The following HSD17B12 variants were observed in gnomAD, a reference collection of about 807,000 sequenced individuals.
HSD17B12 encodes hydroxysteroid 17-beta dehydrogenase 12, also known as very-long-chain 3-oxoacyl-CoA reductase.
A neutral mutation model predicts 39.3 loss-of-function variants in HSD17B12; 32 were observed. The observed-to-expected ratio is 0.81, with a 90% CI of 0.61 to 1.09. The LOEUF (loss-of-function observed/expected upper bound fraction) is 1.09, where lower values mean the gene tolerates loss of function less well. Among genes scored for constraint, HSD17B12 ranks in the 50% least tolerant of loss-of-function variants. HSD17B12 has a pLI of 0.00. For missense variants in HSD17B12, 342 were observed against 382.9 expected, an observed-to-expected ratio of 0.89 and a Z score of 0.89; for synonymous variants, 150 against 146.7, an observed-to-expected ratio of 1.02 and a Z score of -0.16.
At chr11:43,582,168 G>C in the HSD17B12 span, among the ~76,000 whole-genome samples, 6 of 152,298 alleles carry the variant, frequency 3.9e-5, no homozygotes, top group Admixed American at 1.3e-4. Context: ...TCAAAACTAA[G>C]TAGCACGGAA....
the HSD17B12 span, among the ~76,000 whole-genome samples, chr11:43,574,676 A>G: frequency 6.6e-6 from 1 of 152,092 alleles, no homozygotes; most frequent in African/African-American, 2.4e-5. Context: ...ACCCTTCCTC[A>G]CCCTTAGGAA....
chr11:43,690,186 C>T (rs1416864791), intron 1 of HSD17B12, among the ~76,000 whole-genome samples: 1 of 151,226 alleles, frequency 6.6e-6, no homozygotes, highest in Non-Finnish European at 1.5e-5. Flanking sequence ...CACTTGTCAC[C>T]ATCTCCCCTA....
chr11:43,774,584 C>T (rs936079859), intron 3 of HSD17B12, among the ~76,000 whole-genome samples: 11 of 152,138 alleles, frequency 7.2e-5, no homozygotes, highest in African/African-American at 2.4e-4. Context: ...CCATGGACCA[C>T]TCTTTTCATT....
intron 9 of HSD17B12, among the ~76,000 whole-genome samples, chr11:43,842,997 C>G (rs1951441538): frequency 6.6e-6 from 1 of 152,190 alleles, no homozygotes; most frequent in Admixed American, 6.5e-5. Context: ...CTAGAAGCTA[C>G]TGTAAAAACA....
At chr11:43,788,768 A>G (rs954252761) in intron 3 of HSD17B12, among the ~76,000 whole-genome samples, 1 of 151,854 alleles carries the variant, frequency 6.6e-6, no homozygotes, top group Non-Finnish European at 1.5e-5. Context: ...TGTAACACAC[A>G]GGAGGAAATA....
intron 1 of HSD17B12, among the ~76,000 whole-genome samples, chr11:43,706,724 T>TGTTGGG (rs1204580097): frequency 5.0e-5 from 4 of 80,302 alleles, no homozygotes; most frequent in Non-Finnish European, 1.2e-4. Context: ...GTGTGTGTTG[T>TGTTGGG]GGGGGGTGGG....
chr11:43,756,537 G>A (rs1950509308), intron 3 of HSD17B12, among the ~76,000 whole-genome samples: 1 of 152,118 alleles, frequency 6.6e-6, no homozygotes, highest in Non-Finnish European at 1.5e-5. Flanking sequence ...CTCTTAAAGT[G>A]ATTTAAAAAA....
At chr11:43,807,175 A>T (rs1436158443) in intron 4 of HSD17B12, among the ~76,000 whole-genome samples, 2 of 152,242 alleles carry the variant, frequency 1.3e-5, no homozygotes, top group African/African-American at 4.8e-5. Flanking sequence ...CTATAACAGT[A>T]GACAAAACAG....
At chr11:43,700,063 T>C (rs1949949684) in intron 1 of HSD17B12, among the ~76,000 whole-genome samples, 1 of 152,084 alleles carries the variant, frequency 6.6e-6, no homozygotes, top group East Asian at 1.9e-4. Flanking sequence ...CTGGGAAGTT[T>C]GGGTATTTAT....
chr11:43,589,089 A>G, the HSD17B12 span, among the ~76,000 whole-genome samples: 1 of 151,302 alleles, frequency 6.6e-6, no homozygotes. Flanking sequence ...TGTTTAGGCA[A>G]TTTCCACCAA....
At chr11:43,582,210 C>G in the HSD17B12 span, among the ~76,000 whole-genome samples, 5 of 152,188 alleles carry the variant, frequency 3.3e-5, no homozygotes, top group Non-Finnish European at 7.4e-5. Context: ...TGGGGAAGCC[C>G]CCGCAGAGAA....
rs763905309 is a variant in HSD17B12 at position 43,854,733 on chromosome 11, G to A, written c.703G>A (p.Val235Ile). 2.0e-5 allele frequency: 32 copies of A among 1,613,772 alleles called. No individual in the cohort carries two copies. Among genetic ancestry groups the A allele is most frequent in the South Asian group, 6.6e-5 (6 of 91,068 alleles). ...TTTCTAGAGTGTCCTGCCATACTTC[G>A]TAGCTACAAAACTGGCTAAAATCCG... ...VFVQSVLPYFVATKLAKIRKP... is the reference protein window; with the variant it reads ...VFVQSVLPYFIATKLAKIRKP... Residue 235 changes from valine to isoleucine, a missense_variant, in exon 10 of 11, where the codon GTA becomes ATA. Val to Ile is a conservative substitution (Grantham distance 29). Coordinates refer to ENST00000278353, the MANE Select transcript of HSD17B12 (RefSeq NM_016142.3).
intron 9 of HSD17B12, among the ~76,000 whole-genome samples, chr11:43,849,092 C>T (rs1951506713): frequency 1.3e-5 from 2 of 152,056 alleles, no homozygotes; most frequent in Non-Finnish European, 2.9e-5. Context: ...TGCTTGGGCT[C>T]ATTGAGTTCA....
intron 1 of HSD17B12, among the ~76,000 whole-genome samples, chr11:43,748,521 G>A (rs1393329639): frequency 6.6e-6 from 1 of 152,038 alleles, no homozygotes; most frequent in Non-Finnish European, 1.5e-5. Flanking sequence ...CTCACTACCT[G>A]TGTGGTGGGA....
the HSD17B12 span, among the ~76,000 whole-genome samples, chr11:43,616,429 A>AAAAAAC: frequency 6.6e-6 from 1 of 150,550 alleles, no homozygotes; most frequent in Non-Finnish European, 1.5e-5. Flanking sequence ...AAAAAACAAA[A>AAAAAAC]AAAAAACAAA....
At chr11:43,763,326 T>G (rs1950569101) in intron 3 of HSD17B12, among the ~76,000 whole-genome samples, 1 of 152,012 alleles carries the variant, frequency 6.6e-6, no homozygotes, top group Non-Finnish European at 1.5e-5. Flanking sequence ...ACAAGAAACT[T>G]TTGTTCGAAA....
At chr11:43,776,155 G>A (rs1270639562) in intron 3 of HSD17B12, among the ~76,000 whole-genome samples, 1 of 152,086 alleles carries the variant, frequency 6.6e-6, no homozygotes, top group African/African-American at 2.4e-5. Context: ...GGTATTTCTA[G>A]TTCTAGATCC....
chr11:43,711,633 C>A (rs962569457), intron 1 of HSD17B12, among the ~76,000 whole-genome samples: 7 of 151,956 alleles, frequency 4.6e-5, no homozygotes, highest in Non-Finnish European at 7.4e-5. Context: ...TACTACCACA[C>A]CTGACTAATT....
At position 43,732,046 on chromosome 11, in the gene HSD17B12, T is replaced by G. The variant is rs1163640503; in HGVS notation, c.161-18865T>G. Among the ~76,000 whole-genome samples the G allele has an allele frequency of 2.0e-5, 3 of 152,018 alleles. No individual in the cohort carries two copies. In the South Asian group the frequency reaches 6.2e-4, roughly 32 times the overall value. ...ATCTTGAATTGTAGTTCCCATAATC[T>G]CCTTAATGTGGTAGGAGGGACCTGG... On this transcript the variant is annotated intron_variant, in intron 1 of 10. Transcript: ENST00000278353.
Sources: gnomAD v4.1 joint callset for allele counts (sites outside exome capture counted in the v4.1 genomes callset) on GRCh38, gnomAD v4.1.1 for gene constraint, MANE v1.5 for transcripts, NCBI Gene and HGNC (gene_info 2026-07-23, HGNC 2026-07-21) for gene names.